GRID2IP: variants seen among roughly 807,000 people sequenced by gnomAD.
The protein encoded by GRID2IP is delphilin.
In GRID2IP, 78 loss-of-function variants were observed where a neutral mutation model predicts 114.3. The observed-to-expected ratio is 0.68, with a 90% CI of 0.57 to 0.82. The LOEUF is 0.82. Ranked by LOEUF, GRID2IP falls within the 40% of genes least tolerant of loss-of-function variation. GRID2IP has a pLI of 0.00. For synonymous variants in GRID2IP, 809 were observed against 724.0 expected (o/e 1.12, Z -1.89); for missense variants, 1,727 against 1,678.5 (o/e 1.03, Z -0.51).
intron 7 of GRID2IP, among the ~76,000 whole-genome samples, chr7:6,517,414 A>G (rs894525825): frequency 3.9e-5 from 6 of 152,088 alleles, no homozygotes; most frequent in Admixed American, 3.3e-4. Context: ...AAAAACCCAC[A>G]GGCCCTGTAG....
At chr7:6,498,572 CT>C (rs34146767) in intron 20 of GRID2IP, among the ~76,000 whole-genome samples, 754 of 68,128 alleles carry the variant, frequency 0.011, 4 homozygotes, top group African/African-American at 0.046. Context: ...CTAGGCCTTA[CT>C]TTTTTTTTTT....
chr7:6,504,362 G>A (rs533244138), intron 15 of GRID2IP, among the ~76,000 whole-genome samples: 2 of 151,254 alleles, frequency 1.3e-5, no homozygotes, highest in Non-Finnish European at 3.0e-5. Flanking sequence ...GAGGGGACAA[G>A]GAACAAGGGC....
chr7:6,543,232 T>C (rs1779839832), intron 1 of GRID2IP, among the ~76,000 whole-genome samples: 1 of 152,018 alleles, frequency 6.6e-6, no homozygotes, highest in African/African-American at 2.4e-5. Flanking sequence ...CCATCTCTAC[T>C]ACAAATACAA....
chr7:6,511,129 T>C, intron 8 of GRID2IP, 90 bp from the exon 9 acceptor site: 1 of 1,290,268 alleles, frequency 7.8e-7, no homozygotes, highest in South Asian at 2.5e-5. Flanking sequence ...AGATGTCATC[T>C]GCACCAATAT....
intron 1 of GRID2IP, among the ~76,000 whole-genome samples, chr7:6,550,018 T>A (rs1779949995): frequency 6.8e-6 from 1 of 146,800 alleles, no homozygotes; most frequent in Admixed American, 6.9e-5. Flanking sequence ...AGAGATGCGG[T>A]CTCACTCCGT....
intron 2 of GRID2IP, among the ~76,000 whole-genome samples, chr7:6,529,061 G>C (rs1416804955): frequency 6.6e-6 from 1 of 152,146 alleles, no homozygotes; most frequent in Non-Finnish European, 1.5e-5. Context: ...TCCAGCCACA[G>C]ACTCTGAAGA....
intron 21 of GRID2IP, 54 bp downstream of exon 21, chr7:6,498,010 G>A (rs969625230): frequency 1.2e-5 from 17 of 1,476,566 alleles, no homozygotes; most frequent in South Asian, 2.7e-5. Context: ...CCTTCATTTG[G>A]CCTCTGGCCC....
At chr7:6,527,713 C>T in intron 2 of GRID2IP, among the ~76,000 whole-genome samples, 1 of 152,124 alleles carries the variant, frequency 6.6e-6, no homozygotes, top group East Asian at 1.9e-4. Context: ...ATCCTCCTGC[C>T]TCAGCCTCCC....
rs1779657748 is a variant in GRID2IP at position 6,532,779 on chromosome 7, A to G, written c.585-6010T>C. ...AACCACACATGGCCAAAGGCTCTGA[A>G]AACCATCCACCGTGCTGTGAGCACA... is the stretch of plus-strand genomic sequence containing the variant. On this transcript the variant is annotated intron_variant, in intron 2 of 21. Transcript: ENST00000457091. The surrounding 1 kb of genome is among the most constrained non-coding windows in gnomAD (Gnocchi z 4.4). Among the ~76,000 whole-genome samples the G allele has an allele frequency of 6.6e-6, 1 of 152,246 alleles. No individual in the cohort carries two copies. The highest frequency in any genetic ancestry group is 1.9e-4 in the East Asian group (1 of 5,204).
rs1477850347 is a variant in GRID2IP at position 6,516,033 on chromosome 7, G to T, written c.1269-1504C>A. Among the ~76,000 whole-genome samples the T allele has an allele frequency of 6.6e-6, 1 of 152,004 alleles. No homozygotes were observed. The highest frequency in any genetic ancestry group is 1.5e-5 in the Non-Finnish European group (1 of 68,022). ...AATCGCTTGAACCCGGGAGGTGGAG[G>T]TTGCAGTGAGCTGAGATCGCGCCAT... On this transcript the variant is annotated intron_variant, in intron 7 of 21. Transcript: ENST00000457091. This position sits in a 1 kb window ranked among gnomAD's most constrained non-coding sequence, Gnocchi z 4.3.
intron 1 of GRID2IP, among the ~76,000 whole-genome samples, chr7:6,542,320 AAAAAAAG>A (rs1422827119): frequency 2.0e-5 from 3 of 149,476 alleles, no homozygotes; most frequent in South Asian, 2.1e-4. Context: ...AAAAAAAAAA[AAAAAAAG>A]AAAAAAGAAA....
intron 2 of GRID2IP, chr7:6,531,188 C>T (rs1265158371): frequency 1.9e-5 from 9 of 480,724 alleles, no homozygotes; most frequent in Admixed American, 1.7e-4. Flanking sequence ...CGCGACTCCA[C>T]GCACCTCTGC....
Position 6,520,013 on chromosome 7 carries a change from C to T in GRID2IP, c.1268+565G>A, listed in dbSNP as rs372423507. On this transcript the variant is annotated intron_variant, in intron 7 of 21. Coordinates refer to ENST00000457091, the MANE Select transcript of GRID2IP (RefSeq NM_001145118.2). This position sits in a 1 kb window ranked among gnomAD's most constrained non-coding sequence, Gnocchi z 4.6. Reference sequence around the variant, plus strand: ...AGGTGGGCCAAGGCACGGTGGCTCACGCCTGTAATCCCAGCACTTTGGGAG... The same window carrying T: ...AGGTGGGCCAAGGCACGGTGGCTCATGCCTGTAATCCCAGCACTTTGGGAG... Among the ~76,000 whole-genome samples the T allele has an allele frequency of 1.3e-5, 2 of 151,340 alleles. No homozygotes were observed. Among genetic ancestry groups the T allele is most frequent in the African/African-American group, 4.9e-5 (2 of 41,188 alleles).
At chr7:6,503,233 G>T in intron 16 of GRID2IP, 70 bp from the exon 17 acceptor site, 1 of 1,276,380 alleles carries the variant, frequency 7.8e-7, no homozygotes, top group Non-Finnish European at 1.1e-6. Flanking sequence ...GCAGGCTTTG[G>T]GGTGGGAGGG....
Position 6,506,018 on chromosome 7 carries a change from C to A in GRID2IP, c.2545-111G>T. ...TAGGGGCTTCCCGAGCAAAAGCACCCATCAGGTGCTGGGATAAAGCCCGGA... is the reference window on the plus strand; with the variant it reads ...TAGGGGCTTCCCGAGCAAAAGCACCAATCAGGTGCTGGGATAAAGCCCGGA... On this transcript the variant is annotated intron_variant, in intron 13 of 21. Coordinates refer to ENST00000457091, the MANE Select transcript of GRID2IP (RefSeq NM_001145118.2). This position sits in a 1 kb window ranked among gnomAD's most constrained non-coding sequence, Gnocchi z 5.2. 1 of 693,170 alleles carries A rather than the reference C, an allele frequency of 1.4e-6. No individual in the cohort carries two copies. The highest frequency in any genetic ancestry group is 1.7e-5 in the South Asian group (1 of 57,172). The allele number at this position is 693,170 out of a possible 1,614,324, so 42.9% of individuals were successfully genotyped here. A position where few individuals can be genotyped will look rare whatever the true frequency, so the allele number is the denominator to read the frequency against.
rs1402082827 is a variant in GRID2IP at position 6,509,538 on chromosome 7, C to T, written c.1772-225G>A. On this transcript the variant is annotated intron_variant, in intron 11 of 21. Transcript: ENST00000457091. The surrounding 1 kb of genome is among the most constrained non-coding windows in gnomAD (Gnocchi z 4.9). ...CTGCTCGGCCTCAGGACAGGCTGGA[C>T]GCCAGCTCACCTTGGAATGGTCACC... 4.6e-5 allele frequency among the ~76,000 whole-genome samples: 7 copies of T among 152,140 alleles called. No individual in the cohort carries two copies. In the South Asian group the frequency reaches 1.0e-3, roughly 23 times the overall value.
intron 1 of GRID2IP, among the ~76,000 whole-genome samples, chr7:6,544,242 A>G (rs888766977): frequency 4.6e-5 from 7 of 151,936 alleles, no homozygotes; most frequent in African/African-American, 1.7e-4. Context: ...TAGGCCCATG[A>G]TCAATGACTG....
chr7:6,550,189 C>A (rs942852551), intron 1 of GRID2IP, among the ~76,000 whole-genome samples: 2 of 151,784 alleles, frequency 1.3e-5, no homozygotes, highest in Admixed American at 1.3e-4. Context: ...GATGGTGTCT[C>A]ATTACGTTGC....
chr7:6,537,487 C>T (rs1204588936), intron 2 of GRID2IP, among the ~76,000 whole-genome samples: 1 of 142,402 alleles, frequency 7.0e-6, no homozygotes, highest in Non-Finnish European at 1.5e-5. Flanking sequence ...AAGTGATTCT[C>T]CTGCCTCAGC....
Sources: gnomAD v4.1 joint callset for allele counts (sites outside exome capture counted in the v4.1 genomes callset) on GRCh38, gnomAD v4.1.1 for gene constraint, Gnocchi (gnomAD v3.1) non-coding constraint, MANE v1.5 for transcripts, NCBI Gene and HGNC (gene_info 2026-07-23, HGNC 2026-07-21) for gene names.